The following RAI1 variants were observed in gnomAD, a reference collection of about 807,000 sequenced individuals.
RAI1 encodes the protein retinoic acid induced 1, also known as retinoic acid-induced protein 1.
RAI1 carries 9 observed loss-of-function variants against 123.8 expected under a neutral mutation model. That is an observed-to-expected ratio of 0.07 (90% CI 0.04 to 0.13). The LOEUF (loss-of-function observed/expected upper bound fraction) is 0.13. Among genes scored for constraint, RAI1 ranks in the 10% least tolerant of loss-of-function variants. The pLI, the probability that RAI1 is intolerant of heterozygous loss-of-function variation, is 1.00. For missense variants in RAI1, 2,256 were observed against 2,545.8 expected (o/e 0.89, Z 2.45); for synonymous variants, 1,231 against 1,127.3 (o/e 1.09, Z -1.84).
At chr17:17,705,754 G>A (rs575962565) in intron 1 of RAI1, among the ~76,000 whole-genome samples, 12 of 151,370 alleles carry the variant, frequency 7.9e-5, no homozygotes, top group East Asian at 2.0e-4. Flanking sequence ...GGCTGGGCAC[G>A]GTGGCTCACG....
At chr17:17,752,174 C>A (rs911817434) in intron 2 of RAI1, among the ~76,000 whole-genome samples, 15 of 152,092 alleles carry the variant, frequency 9.9e-5, no homozygotes, top group African/African-American at 3.6e-4. Context: ...GCCCGGCATA[C>A]CCACGGGCCA....
rs937453798 is a variant in RAI1, at chr17:17,799,092, C to T, written c.5565+579C>T. Among the ~76,000 whole-genome samples, 8 of 152,192 alleles carry T rather than the reference C, an allele frequency of 5.3e-5. No homozygotes were observed. Among genetic ancestry groups the T allele is most frequent in the Admixed American group, 1.3e-4 (2 of 15,288 alleles). On this transcript the variant is annotated intron_variant, in intron 3 of 5. Coordinates refer to ENST00000353383, the MANE Select transcript of RAI1 (RefSeq NM_030665.4). This position sits in a 1 kb window ranked among gnomAD's most constrained non-coding sequence, Gnocchi z 4.5. ...ACAGGCAGGGCGGGGCAGATCCAGACCCTCTCACCATTGGCTCTGAGACCA... is the reference window on the plus strand; with the variant it reads ...ACAGGCAGGGCGGGGCAGATCCAGATCCTCTCACCATTGGCTCTGAGACCA...
chr17:17,769,937 A>G (rs964754072), intron 2 of RAI1, among the ~76,000 whole-genome samples: 5 of 151,796 alleles, frequency 3.3e-5, no homozygotes, highest in Admixed American at 2.6e-4. Context: ...ACCCGGGAAG[A>G]GAGGCCAGAG....
chr17:17,789,407 G>A (rs1244994392), intron 2 of RAI1, among the ~76,000 whole-genome samples: 1 of 152,244 alleles, frequency 6.6e-6, no homozygotes, highest in East Asian at 1.9e-4. Context: ...ATTTCTGGAG[G>A]GAAAGGGCTG....
At position 17,809,631 on chromosome 17, in the gene RAI1, C is replaced by A. The variant is rs914706564; in HGVS notation, c.5709+192C>A. Among the ~76,000 whole-genome samples, 1 of 152,080 alleles carries A rather than the reference C, an allele frequency of 6.6e-6. No homozygotes were observed. The highest frequency in any genetic ancestry group is 1.5e-5 in the Non-Finnish European group (1 of 67,976). On this transcript the variant is annotated intron_variant, in intron 5 of 5. Transcript: ENST00000353383. The surrounding 1 kb of genome is among the most constrained non-coding windows in gnomAD (Gnocchi z 4.9). ...TCCAGCTCAGGTCCCTGTCCACTTGCGCGCCGCCGCCGCCGAAAACCCGCA... is the reference window on the plus strand; with the variant it reads ...TCCAGCTCAGGTCCCTGTCCACTTGAGCGCCGCCGCCGCCGAAAACCCGCA...
intron 1 of RAI1, among the ~76,000 whole-genome samples, chr17:17,695,826 C>G (rs780480505): frequency 3.3e-5 from 5 of 152,168 alleles, no homozygotes; most frequent in African/African-American, 9.7e-5. Context: ...CCGGCCTCCC[C>G]TAGTCTCTTA....
At position 17,724,653 on chromosome 17, in the gene RAI1, C is replaced by A. The variant is rs1013998679; in HGVS notation, c.-17+494C>A. Reference sequence around the variant, plus strand: ...GCTGGTCGGACCGGGGAGGGCGATCCGCGCGTCCGATCCTGCTCCGGGCAA... The same window carrying A: ...GCTGGTCGGACCGGGGAGGGCGATCAGCGCGTCCGATCCTGCTCCGGGCAA... On this transcript the variant is annotated intron_variant, in intron 2 of 5. Coordinates refer to ENST00000353383, the MANE Select transcript of RAI1 (RefSeq NM_030665.4). 3.9e-5 allele frequency among the ~76,000 whole-genome samples: 6 copies of A among 152,242 alleles called. No homozygotes were observed. In the East Asian group the frequency reaches 1.2e-3, roughly 30 times the overall value.
chr17:17,797,417 A>G lies in RAI1; in HGVS notation c.4469A>G (p.Asp1490Gly). 2 of 1,613,032 alleles carry G rather than the reference A, an allele frequency of 1.2e-6. No individual in the cohort carries two copies. Among genetic ancestry groups the G allele is most frequent in the South Asian group, 2.2e-5 (2 of 91,068 alleles). ...RASGTQGASE[D>G]NSGGGGKKPK... Reference sequence around the variant, plus strand: ...AGTGGCACACAAGGGGCCAGTGAGGACAACTCTGGTGGAGGAGGCAAGAAG... The same window carrying G: ...AGTGGCACACAAGGGGCCAGTGAGGGCAACTCTGGTGGAGGAGGCAAGAAG... The change falls in exon 3 of 6, where the codon GAC becomes GGC. Residue 1490 changes from aspartate (D) to glycine (G), a missense_variant. Transcript: ENST00000353383.
At position 17,793,733 on chromosome 17, in the gene RAI1, G is replaced by T. The variant is rs769783296; in HGVS notation, c.785G>T (p.Arg262Leu). The change falls in exon 3 of 6, where the codon CGG becomes CTG. Residue 262 changes from arginine (R) to leucine (L), a missense_variant. Transcript: ENST00000353383. ...AGCTCCAGCCTGGCCCCGGGGCAGCGGGTCCAGAATCTTCATGCCTACCAG... is the reference window on the plus strand; with the variant it reads ...AGCTCCAGCCTGGCCCCGGGGCAGCTGGTCCAGAATCTTCATGCCTACCAG... ...TASSSLAPGQ[R>L]VQNLHAYQSG... 2.5e-6 allele frequency: 4 copies of T among 1,612,712 alleles called. No homozygotes were observed. Among genetic ancestry groups the T allele is most frequent in the African/African-American group, 1.3e-5 (1 of 74,858 alleles).
In RAI1 at chr17:17,811,233, G is replaced by A; in HGVS notation, c.*1252G>A. On this transcript the variant is annotated 3_prime_UTR_variant, in exon 6 of 6. Transcript: ENST00000353383. ...GTATTATATCTGGCCTCGTTATATA[G>A]TGTATATATATGTATACATATACAT... is the stretch of plus-strand genomic sequence containing the variant. The A allele has an allele frequency of 2.9e-6, 1 of 339,250 alleles. No individual in the cohort carries two copies. Among genetic ancestry groups the A allele is most frequent in the South Asian group, 2.4e-5 (1 of 41,498 alleles). 21.0% of individuals were successfully genotyped at this position (339,250 alleles called of 1,614,324 possible).
At chr17:17,803,232 A>G (rs998980324) in intron 3 of RAI1, among the ~76,000 whole-genome samples, 5 of 152,116 alleles carry the variant, frequency 3.3e-5, no homozygotes, top group Non-Finnish European at 7.4e-5. Flanking sequence ...TCCCTACCCA[A>G]TGTACCAGCC....
chr17:17,731,105 C>T (rs1285634909), intron 2 of RAI1, among the ~76,000 whole-genome samples: 2 of 152,176 alleles, frequency 1.3e-5, no homozygotes, highest in Admixed American at 6.5e-5. Flanking sequence ...GGTAGCCCTC[C>T]TAGAGGTGAG....
intron 2 of RAI1, among the ~76,000 whole-genome samples, chr17:17,744,502 G>A (rs1345415743): frequency 6.6e-6 from 1 of 152,180 alleles, no homozygotes; most frequent in Non-Finnish European, 1.5e-5. Context: ...AAATAAAGAA[G>A]GGAAGGCCGG....
rs1192064140 is a variant in RAI1, at chr17:17,727,370, T to C, written c.-17+3211T>C. Among the ~76,000 whole-genome samples the C allele has an allele frequency of 2.0e-5, 3 of 152,230 alleles. No individual in the cohort carries two copies. The East Asian group carries it at 5.8e-4, about 29-fold the overall frequency. ...AGACCCAGCTACTGATTTGCCATGT[T>C]GGTTTTCGCATCTGAAAAGATTCCT... On this transcript the variant is annotated intron_variant, in intron 2 of 5. Transcript: ENST00000353383.
rs2032237806 is a variant in RAI1 at position 17,796,179 on chromosome 17, C to T, written c.3231C>T (p.Thr1077=). Reference sequence around the variant, plus strand: ...CCGGACCCCCAGGCCTGACCACCACCCCTGCACCCCCAGACAAACTGGGGG... The same window carrying T: ...CCGGACCCCCAGGCCTGACCACCACTCCTGCACCCCCAGACAAACTGGGGG... ...RTPGPPGLTT[T]PAPPDKLGGK... The change falls in exon 3 of 6, where the codon ACC becomes ACT. Residue 1077 remains threonine (T), a synonymous_variant. Coordinates refer to ENST00000353383, the MANE Select transcript of RAI1 (RefSeq NM_030665.4). This position sits in a 1 kb window ranked among gnomAD's most constrained non-coding sequence, Gnocchi z 5.8. 1.3e-6 allele frequency: 2 copies of T among 1,554,350 alleles called. No individual in the cohort carries two copies. The highest frequency in any genetic ancestry group is 1.2e-5 in the South Asian group (1 of 83,630).
chr17:17,735,269 G>A (rs1388373014), intron 2 of RAI1, among the ~76,000 whole-genome samples: 1 of 151,030 alleles, frequency 6.6e-6, no homozygotes, highest in East Asian at 1.9e-4. Context: ...GGTCAGGCTG[G>A]TCTTGAACTC....
At chr17:17,767,903 C>T (rs972646941) in intron 2 of RAI1, among the ~76,000 whole-genome samples, 12 of 152,140 alleles carry the variant, frequency 7.9e-5, no homozygotes, top group Admixed American at 1.3e-4. Flanking sequence ...AGCTCAGAAA[C>T]GTGGGCTCAC....
chr17:17,741,609 G>A (rs879373627), intron 2 of RAI1, among the ~76,000 whole-genome samples: 1 of 152,254 alleles, frequency 6.6e-6, no homozygotes, highest in Non-Finnish European at 1.5e-5. Context: ...CCAGATGGAT[G>A]AGCTTGTTTC....
intron 1 of RAI1, among the ~76,000 whole-genome samples, chr17:17,710,229 C>A (rs914990501): frequency 4.6e-5 from 7 of 152,148 alleles, no homozygotes; most frequent in Non-Finnish European, 1.0e-4. Flanking sequence ...CCAGCGGGGG[C>A]TTTAGCCACA....
Sources: allele counts gnomAD v4.1 joint callset (sites outside exome capture counted in the v4.1 genomes callset), GRCh38; gene constraint gnomAD v4.1.1; non-coding constraint Gnocchi (gnomAD v3.1); transcripts MANE v1.5; gene names NCBI Gene and HGNC (gene_info 2026-07-23, HGNC 2026-07-21).